The following PPP2R2B variants were observed in gnomAD, a reference collection of about 807,000 sequenced individuals.
The protein encoded by PPP2R2B is serine/threonine-protein phosphatase 2A 55 kDa regulatory subunit B beta isoform.
In PPP2R2B, 5 loss-of-function variants were observed where a neutral mutation model predicts 46.0. That is an observed-to-expected ratio of 0.11 (90% CI 0.06 to 0.23). The LOEUF is 0.23. Among genes scored for constraint, PPP2R2B ranks in the 10% least tolerant of loss-of-function variants. The pLI is 1.00. For missense variants in PPP2R2B, 367 were observed against 575.0 expected (o/e 0.64, Z 3.70); for synonymous variants, 215 against 206.7 (o/e 1.04, Z -0.34).
intron 1 of PPP2R2B, among the ~76,000 whole-genome samples, chr5:147,020,489 A>G (rs1351568489): frequency 6.6e-6 from 1 of 152,138 alleles, no homozygotes; most frequent in Non-Finnish European, 1.5e-5. Context: ...ATACTATCAT[A>G]AAAGATTTGG....
chr5:146,772,466 G>A (rs1313666267), intron 2 of PPP2R2B, among the ~76,000 whole-genome samples: 1 of 149,344 alleles, frequency 6.7e-6, no homozygotes, highest in Admixed American at 6.7e-5. Context: ...GATCCAGAAT[G>A]AGACCCACCA....
At chr5:146,777,423 T>C (rs1420905938) in intron 2 of PPP2R2B, among the ~76,000 whole-genome samples, 1 of 151,980 alleles carries the variant, frequency 6.6e-6, no homozygotes, top group Non-Finnish European at 1.5e-5. Flanking sequence ...ATAGGCAAAC[T>C]CATAGAGATA....
chr5:146,792,683 G>A (rs1756276766), intron 2 of PPP2R2B, among the ~76,000 whole-genome samples: 1 of 152,272 alleles, frequency 6.6e-6, no homozygotes, highest in African/African-American at 2.4e-5. Context: ...AAGAAGTAAG[G>A]AAATTGGCTA....
At chr5:146,729,525 T>A (rs1462504713) in intron 2 of PPP2R2B, among the ~76,000 whole-genome samples, 1 of 152,154 alleles carries the variant, frequency 6.6e-6, no homozygotes, top group African/African-American at 2.4e-5. Context: ...GTGAGAGACC[T>A]TCATGACAGC....
chr5:146,631,263 G>A (rs1374061912), intron 7 of PPP2R2B, among the ~76,000 whole-genome samples: 1 of 152,110 alleles, frequency 6.6e-6, no homozygotes, highest in Non-Finnish European at 1.5e-5. Flanking sequence ...CTTTCTTCAA[G>A]TTATAGAAGT....
At chr5:146,964,605 A>G (rs1356473316) in intron 1 of PPP2R2B, among the ~76,000 whole-genome samples, 1 of 152,046 alleles carries the variant, frequency 6.6e-6, no homozygotes, top group Non-Finnish European at 1.5e-5. Flanking sequence ...GGCTCACTGC[A>G]AGCTTTGCCT....
chr5:147,047,287 G>A (rs1195529010), intron 1 of PPP2R2B, among the ~76,000 whole-genome samples: 1 of 152,024 alleles, frequency 6.6e-6, no homozygotes, highest in Non-Finnish European at 1.5e-5. Context: ...CAAATATCTG[G>A]GAGGAGAATA....
chr5:146,756,656 A>T (rs1753849755), intron 2 of PPP2R2B, among the ~76,000 whole-genome samples: 1 of 152,224 alleles, frequency 6.6e-6, no homozygotes, highest in Non-Finnish European at 1.5e-5. Context: ...TTAACTTATC[A>T]GTTTTCTTAT....
At chr5:146,957,185 A>G (rs1454912124) in intron 1 of PPP2R2B, among the ~76,000 whole-genome samples, 1 of 152,312 alleles carries the variant, frequency 6.6e-6, no homozygotes. Context: ...GTGAGCTTCA[A>G]AATGGAGGGG....
intron 7 of PPP2R2B, among the ~76,000 whole-genome samples, chr5:146,605,464 GAT>G (rs1343458078): frequency 6.6e-6 from 1 of 152,188 alleles, no homozygotes; most frequent in Admixed American, 6.5e-5. Context: ...TTCAACCTGT[GAT>G]ATGTCAGGCA....
At chr5:146,663,839 T>C (rs1171198958) in intron 5 of PPP2R2B, among the ~76,000 whole-genome samples, 2 of 151,952 alleles carry the variant, frequency 1.3e-5, no homozygotes, top group African/African-American at 2.4e-5. Context: ...TTTTATTATT[T>C]ATTTATTTAT....
At position 146,641,808 on chromosome 5, in the gene PPP2R2B, C is replaced by T. The variant is rs17104949; in HGVS notation, c.626-3393G>A. ...AGAAGATGAGCAATTCGTGGCTCCA[C>T]GTATAATCTTGAAAATGGAATGATG... On this transcript the variant is annotated intron_variant, in intron 6 of 9. Coordinates refer to ENST00000394411, the MANE Select transcript of PPP2R2B (RefSeq NM_181675.4). Among the ~76,000 whole-genome samples the T allele has an allele frequency of 0.018, 2,669 of 152,110 alleles. 160 individuals are homozygous for T. In the East Asian group the frequency reaches 0.21, roughly 12 times the overall value.
At chr5:146,615,070 C>T (rs1772997013) in intron 7 of PPP2R2B, among the ~76,000 whole-genome samples, 1 of 68,038 alleles carries the variant, frequency 1.5e-5, no homozygotes, top group African/African-American at 1.1e-4. Context: ...TATTGCGGCA[C>T]TATTCACAAT....
chr5:146,609,551 C>T (rs552437911), intron 7 of PPP2R2B, among the ~76,000 whole-genome samples: 6 of 151,792 alleles, frequency 4.0e-5, no homozygotes, highest in Middle Eastern at 3.4e-3. Flanking sequence ...ACGCAGAAGA[C>T]GGGTGATTTC....
Position 146,776,874 on chromosome 5 carries a change from T to C in PPP2R2B, c.71-75732A>G, listed in dbSNP as rs573280278. On this transcript the variant is annotated intron_variant, in intron 2 of 9. Transcript: ENST00000394411. Reference sequence around the variant, plus strand: ...TGTTTTCTTATAAAAGATATACAAATGGCCAATATGTACATGAAAAGATGC... The same window carrying C: ...TGTTTTCTTATAAAAGATATACAAACGGCCAATATGTACATGAAAAGATGC... Among the ~76,000 whole-genome samples the C allele has an allele frequency of 2.0e-5, 3 of 152,196 alleles. No individual in the cohort carries two copies. In the South Asian group the frequency reaches 6.2e-4, roughly 32 times the overall value.
chr5:146,773,161 C>T (rs1044128080), intron 2 of PPP2R2B, among the ~76,000 whole-genome samples: 2 of 152,198 alleles, frequency 1.3e-5, no homozygotes, highest in Non-Finnish European at 2.9e-5. Context: ...CACATTACTT[C>T]CCTCTGATGG....
chr5:147,064,267 C>T (rs1425013520), intron 2 of PPP2R2B, among the ~76,000 whole-genome samples: 1 of 152,198 alleles, frequency 6.6e-6, no homozygotes, highest in Non-Finnish European at 1.5e-5. Context: ...GTTTCTCAAC[C>T]TCAGCCCTAT....
At chr5:147,038,299 T>C (rs1182062127) in intron 1 of PPP2R2B, among the ~76,000 whole-genome samples, 1 of 152,184 alleles carries the variant, frequency 6.6e-6, no homozygotes, top group Non-Finnish European at 1.5e-5. Context: ...GAATGGGTGA[T>C]AAAAGCTATG....
At chr5:146,952,529 G>A (rs2151836458) in intron 1 of PPP2R2B, among the ~76,000 whole-genome samples, 1 of 152,166 alleles carries the variant, frequency 6.6e-6, no homozygotes, top group Non-Finnish European at 1.5e-5. Context: ...CTTTCAGATG[G>A]GACAGTCAAT....
Sources: allele counts gnomAD v4.1 joint callset (sites outside exome capture counted in the v4.1 genomes callset), GRCh38; gene constraint gnomAD v4.1.1; transcripts MANE v1.5; gene names NCBI Gene and HGNC (gene_info 2026-07-23, HGNC 2026-07-21).